The following CSMD1 variants were observed in gnomAD, a reference collection of about 807,000 sequenced individuals.
CSMD1 encodes the protein CUB and Sushi multiple domains 1, also known as CUB and sushi domain-containing protein 1.
A neutral mutation model predicts 417.5 loss-of-function variants in CSMD1; 213 were observed. That is an observed-to-expected ratio of 0.51 (90% CI 0.46 to 0.57). The LOEUF (loss-of-function observed/expected upper bound fraction) is 0.57, where lower values mean the gene tolerates loss of function less well. CSMD1 is among the 20% of genes least tolerant of loss of function. The pLI is 0.00. For missense variants in CSMD1, 6,923 were observed against 4,529.7 expected, an observed-to-expected ratio of 1.53 and a Z score of -15.17; for synonymous variants, 2,862 against 1,736.8, an observed-to-expected ratio of 1.65 and a Z score of -16.11.
At chr8:3,710,549 G>C (rs113122878) in intron 6 of CSMD1, among the ~76,000 whole-genome samples, 1 of 152,296 alleles carries the variant, frequency 6.6e-6, no homozygotes, top group East Asian at 1.9e-4. Flanking sequence ...CTTTGGGACT[G>C]TCTTCCCTCA....
chr8:4,991,022 G>A (rs969460928), intron 1 of CSMD1, among the ~76,000 whole-genome samples: 4 of 152,096 alleles, frequency 2.6e-5, no homozygotes, highest in African/African-American at 9.7e-5. Flanking sequence ...CTGCTCTGGC[G>A]TAGTAGTGTT....
At chr8:4,337,619 C>A (rs1317113488) in intron 3 of CSMD1, among the ~76,000 whole-genome samples, 1 of 152,132 alleles carries the variant, frequency 6.6e-6, no homozygotes, top group Admixed American at 6.6e-5. Context: ...ATATTTTAGA[C>A]AAGTGTCATG....
chr8:3,572,828 A>C (rs1799999470), intron 10 of CSMD1, among the ~76,000 whole-genome samples: 1 of 152,156 alleles, frequency 6.6e-6, no homozygotes. Flanking sequence ...GCCCCCAAAC[A>C]AACTCAATTG....
intron 2 of CSMD1, among the ~76,000 whole-genome samples, chr8:4,608,145 A>G (rs986862296): frequency 6.6e-6 from 1 of 152,212 alleles, no homozygotes; most frequent in African/African-American, 2.4e-5. Flanking sequence ...AGAGGGAGGC[A>G]TTAGAGGGGA....
chr8:4,568,454 C>CT (rs1411492887), intron 2 of CSMD1, among the ~76,000 whole-genome samples: 1 of 152,192 alleles, frequency 6.6e-6, no homozygotes, highest in Non-Finnish European at 1.5e-5. Context: ...TGAACTCATT[C>CT]TTTTTTTATG....
At chr8:4,373,846 A>G (rs1444813078) in intron 3 of CSMD1, among the ~76,000 whole-genome samples, 2 of 152,160 alleles carry the variant, frequency 1.3e-5, no homozygotes, top group African/African-American at 4.8e-5. Flanking sequence ...GAGCTTTTCT[A>G]TGTATATGTA....
intron 46 of CSMD1, among the ~76,000 whole-genome samples, chr8:3,104,018 C>T (rs1815948893): frequency 6.6e-6 from 1 of 152,168 alleles, no homozygotes; most frequent in African/African-American, 2.4e-5. Flanking sequence ...TCTGGGATTA[C>T]AGGCATGAGC....
intron 40 of CSMD1, among the ~76,000 whole-genome samples, chr8:3,148,960 T>C (rs768776900): frequency 2.6e-5 from 4 of 152,250 alleles, no homozygotes; most frequent in Non-Finnish European, 5.9e-5. Context: ...TTTTCATGCC[T>C]GTTTGATTTG....
rs564762263 is a variant in CSMD1, at chr8:3,967,920, C to A, written c.818+29983G>T. On this transcript the variant is annotated intron_variant, in intron 5 of 69. Coordinates refer to ENST00000635120, the MANE Select transcript of CSMD1 (RefSeq NM_033225.6). ...CAGTGGCTCACACGTGTAATCCCAG[C>A]ACTTTGGGAGGCCGAGGTGTGCGGA... Among the ~76,000 whole-genome samples the A allele has an allele frequency of 3.5e-3, 524 of 149,860 alleles. 4 individuals carry two copies. The highest frequency in any genetic ancestry group is 5.5e-3 in the Non-Finnish European group (373 of 67,770).
chr8:4,832,720 T>C (rs1800226920), intron 1 of CSMD1, among the ~76,000 whole-genome samples: 1 of 152,154 alleles, frequency 6.6e-6, no homozygotes, highest in African/African-American at 2.4e-5. Flanking sequence ...CATTTAATTG[T>C]TAAGAAATTA....
At chr8:4,028,700 C>T (rs1270238850) in intron 4 of CSMD1, among the ~76,000 whole-genome samples, 1 of 152,114 alleles carries the variant, frequency 6.6e-6, no homozygotes, top group African/African-American at 2.4e-5. Flanking sequence ...CAAATTAAAA[C>T]TCTATTTCTT....
chr8:4,253,757 GA>G (rs34581244), intron 3 of CSMD1, among the ~76,000 whole-genome samples: 33 of 144,898 alleles, frequency 2.3e-4, no homozygotes, highest in African/African-American at 3.8e-4. Flanking sequence ...TTATATACTT[GA>G]AAAAAAAAAC....
chr8:3,775,652 G>A (rs965696004), intron 5 of CSMD1, among the ~76,000 whole-genome samples: 1 of 152,314 alleles, frequency 6.6e-6, no homozygotes, highest in East Asian at 1.9e-4. Context: ...AAAAGTCATA[G>A]ATTGTCGGGG....
At chr8:3,710,087 T>C (rs1300120967) in intron 6 of CSMD1, among the ~76,000 whole-genome samples, 2 of 151,984 alleles carry the variant, frequency 1.3e-5, no homozygotes, top group Admixed American at 6.6e-5. Flanking sequence ...TAGACTCATA[T>C]CTACATATAT....
intron 26 of CSMD1, among the ~76,000 whole-genome samples, chr8:3,272,297 T>C (rs1051726825): frequency 2.7e-5 from 4 of 145,630 alleles, no homozygotes; most frequent in Admixed American, 1.4e-4. Flanking sequence ...TATATCTCTG[T>C]TTTGGTACCA....
chr8:4,308,419 TG>T, intron 3 of CSMD1, among the ~76,000 whole-genome samples: 1 of 146,384 alleles, frequency 6.8e-6, no homozygotes, highest in African/African-American at 2.7e-5. Flanking sequence ...GTGTGTTATG[TG>T]GAAAGTCTGA....
rs546085327 is a variant in CSMD1, at chr8:3,517,154, T to A, written c.1345-23428A>T. ...GCTCCCTCCTGCAGTGTGCTCCTCA[T>A]GCTCATCCCTTCTCATGCCTGTCAC... On this transcript the variant is annotated intron_variant, in intron 10 of 69. Transcript: ENST00000635120. Among the ~76,000 whole-genome samples, 169 of 152,318 alleles carry A rather than the reference T, an allele frequency of 1.1e-3. 1 individual carries two copies. The highest frequency in any genetic ancestry group is 3.8e-3 in the African/African-American group (157 of 41,580).
At chr8:3,230,835 T>C (rs1440182165) in intron 26 of CSMD1, among the ~76,000 whole-genome samples, 2 of 152,170 alleles carry the variant, frequency 1.3e-5, no homozygotes, top group Non-Finnish European at 2.9e-5. Flanking sequence ...GCCACCCTAA[T>C]ATTAACAAAA....
At chr8:4,449,714 G>C (rs566634398) in intron 2 of CSMD1, among the ~76,000 whole-genome samples, 52 of 152,278 alleles carry the variant, frequency 3.4e-4, no homozygotes, top group African/African-American at 1.1e-3. Flanking sequence ...GTATGGGGAA[G>C]AAATGCCAGA....
Sources: gnomAD v4.1 joint callset for allele counts (sites outside exome capture counted in the v4.1 genomes callset) on GRCh38, gnomAD v4.1.1 for gene constraint, MANE v1.5 for transcripts, NCBI Gene and HGNC (gene_info 2026-07-23, HGNC 2026-07-21) for gene names.